The following TYR variants were observed in gnomAD, a reference collection of about 807,000 sequenced individuals.
The protein encoded by TYR is LB24-AB.
TYR carries 58 observed loss-of-function variants against 51.5 expected under a neutral mutation model. The ratio of observed to expected loss-of-function variants is 1.13; its 90% CI spans 0.91 to 1.40. The LOEUF is 1.40. Among genes scored for constraint, TYR ranks in the 40% most tolerant of loss-of-function variants. The probability of loss-of-function intolerance (pLI) is 0.00; values close to 1 mark genes in which losing one functional copy is unlikely to be tolerated. For synonymous variants in TYR, 263 were observed against 235.2 expected (o/e 1.12, Z -1.08); for missense variants, 732 against 647.4 (o/e 1.13, Z -1.42).
intron 3 of TYR, among the ~76,000 whole-genome samples, chr11:89,235,927 C>T (rs1306661016): frequency 6.6e-6 from 1 of 152,094 alleles, no homozygotes; most frequent in African/African-American, 2.4e-5. Flanking sequence ...ATCAGCATCA[C>T]ATTATGCCCC....
intron 3 of TYR, among the ~76,000 whole-genome samples, chr11:89,245,577 T>C (rs111776474): frequency 0.012 from 1,868 of 152,180 alleles, 35 homozygotes; most frequent in African/African-American, 0.043. Context: ...TGATAAAAAA[T>C]TTAGCATGCT....
At chr11:89,187,087 C>G (rs1319218987) in intron 1 of TYR, among the ~76,000 whole-genome samples, 1 of 152,164 alleles carries the variant, frequency 6.6e-6, no homozygotes, top group Non-Finnish European at 1.5e-5. Context: ...CCCACCTACT[C>G]AAACAAGTCT....
At chr11:89,231,513 A>C (rs1944049928) in intron 3 of TYR, among the ~76,000 whole-genome samples, 1 of 143,304 alleles carries the variant, frequency 7.0e-6, no homozygotes, top group Non-Finnish European at 1.5e-5. Flanking sequence ...CCTGGAGTTT[A>C]GTATGTGAAA....
At chr11:89,193,409 G>C (rs1460129386) in intron 2 of TYR, among the ~76,000 whole-genome samples, 1 of 151,984 alleles carries the variant, frequency 6.6e-6, no homozygotes, top group African/African-American at 2.4e-5. Context: ...GGTGAGGAGG[G>C]AACAGCAGAT....
intron 3 of TYR, among the ~76,000 whole-genome samples, chr11:89,267,632 A>G (rs538418998): frequency 6.6e-6 from 1 of 152,094 alleles, no homozygotes; most frequent in South Asian, 2.1e-4. Flanking sequence ...CTTATCAAAT[A>G]TTTATTATCA....
intron 2 of TYR, among the ~76,000 whole-genome samples, chr11:89,193,928 C>T (rs1251304885): frequency 6.6e-6 from 1 of 152,108 alleles, no homozygotes; most frequent in African/African-American, 2.4e-5. Context: ...TAGACTGTAA[C>T]TCTTTACCCC....
intron 4 of TYR, among the ~76,000 whole-genome samples, chr11:89,289,498 C>T (rs1232651337): frequency 6.6e-6 from 1 of 151,904 alleles, no homozygotes; most frequent in Non-Finnish European, 1.5e-5. Flanking sequence ...AGTCTTTTCT[C>T]CATGATGCCT....
intron 2 of TYR, among the ~76,000 whole-genome samples, chr11:89,199,747 T>C: frequency 6.6e-6 from 1 of 152,188 alleles, no homozygotes; most frequent in Non-Finnish European, 1.5e-5. Flanking sequence ...CTTCTCAACT[T>C]CTCTTATAAT....
At position 89,178,288 on chromosome 11, in the gene TYR, GCA is replaced by G. The variant is rs61753254; in HGVS notation, c.338_339del (p.Thr113ArgfsTer55). On this transcript the variant is annotated frameshift_variant, in exon 1 of 5. Coordinates refer to ENST00000263321, the MANE Select transcript of TYR (RefSeq NM_000372.5). LOFTEE classifies it high-confidence loss of function. ...AAGTTTGGCTTTTGGGGACCAAACT[GCA>G]CAGAGAGACGACTCTTGGTGAGAAG... 16 of 1,614,196 alleles carry G rather than the reference GCA, an allele frequency of 9.9e-6. No homozygotes were observed. The highest frequency in any genetic ancestry group is 1.3e-5 in the Non-Finnish European group (15 of 1,180,050).
At position 89,295,612 on chromosome 11, in the gene TYR, G is replaced by A; in HGVS notation, c.*246G>A. ...ATGTCTAAGGAAAGGATGCTATTTG[G>A]TAATGAGGAACTGTTATTTGTATGT... On this transcript the variant is annotated 3_prime_UTR_variant, in exon 5 of 5. Transcript: ENST00000263321. 2 of 498,362 alleles carry A rather than the reference G, an allele frequency of 4.0e-6. No individual in the cohort carries two copies. The highest frequency in any genetic ancestry group is 3.8e-5 in the East Asian group (1 of 26,388). The allele number at this position is 498,362 out of a possible 1,614,324, so 30.9% of individuals were successfully genotyped here.
At chr11:89,244,992 A>C (rs908888844) in intron 3 of TYR, among the ~76,000 whole-genome samples, 6 of 152,350 alleles carry the variant, frequency 3.9e-5, no homozygotes, top group Admixed American at 1.3e-4. Context: ...CGGGGACCAC[A>C]GGAGTAGTCC....
At chr11:89,181,615 A>G (rs796400246) in intron 1 of TYR, among the ~76,000 whole-genome samples, 11 of 152,256 alleles carry the variant, frequency 7.2e-5, no homozygotes, top group African/African-American at 2.2e-4. Flanking sequence ...TTGGTTTCAG[A>G]TATCATTTTA....
rs369975407 is a variant in TYR at position 89,191,374 on chromosome 11, C to G, written c.992C>G (p.Ser331Cys). The G allele has an allele frequency of 1.2e-6, 2 of 1,613,552 alleles. No individual in the cohort carries two copies. The highest frequency in any genetic ancestry group is 1.1e-5 in the South Asian group (1 of 91,086). Residue 331 changes from serine (S) to cysteine (C), a missense_variant, in exon 2 of 5, where the codon TCC becomes TGC. Physicochemically the swap from Ser to Cys is moderately radical, Grantham distance 112. Transcript: ENST00000263321. ...CLSLTQYESG[S>C]MDKAANFSFR... ...AGTTTGACCCAATATGAATCTGGTT[C>G]CATGGATAAAGCTGCCAATTTCAGC...
intron 3 of TYR, among the ~76,000 whole-genome samples, chr11:89,277,305 A>C (rs1383787833): frequency 6.6e-6 from 1 of 151,852 alleles, no homozygotes; most frequent in Non-Finnish European, 1.5e-5. Context: ...CTGCAATTCA[A>C]TAAATTTTGA....
chr11:89,261,088 G>A (rs1944451289), intron 3 of TYR, among the ~76,000 whole-genome samples: 1 of 152,064 alleles, frequency 6.6e-6, no homozygotes, highest in Non-Finnish European at 1.5e-5. Context: ...CCAGCCCCTG[G>A]CACCAAAAAG....
intron 3 of TYR, among the ~76,000 whole-genome samples, chr11:89,268,067 C>T (rs1217892368): frequency 6.6e-6 from 1 of 151,980 alleles, no homozygotes; most frequent in Non-Finnish European, 1.5e-5. Flanking sequence ...GTTGATTCTG[C>T]CACTTCACAC....
At chr11:89,270,493 T>G (rs1428401755) in intron 3 of TYR, among the ~76,000 whole-genome samples, 2 of 151,880 alleles carry the variant, frequency 1.3e-5, no homozygotes, top group South Asian at 2.1e-4. Flanking sequence ...CTCATTTGGC[T>G]TTCTACTTCC....
chr11:89,194,359 G>T (rs1048351260), intron 2 of TYR, among the ~76,000 whole-genome samples: 1 of 152,128 alleles, frequency 6.6e-6, no homozygotes, highest in Non-Finnish European at 1.5e-5. Context: ...TTCTGAGATG[G>T]TGTCACATCT....
In TYR at chr11:89,237,746, G is replaced by C. The variant is rs1012185801; in HGVS notation, c.1184+9776G>C. Among the ~76,000 whole-genome samples, 8 of 152,150 alleles carry C rather than the reference G, an allele frequency of 5.3e-5. No individual in the cohort carries two copies. The South Asian group carries it at 8.3e-4, about 16-fold the overall frequency. ...AAAACATCATTAGAATTTTGGTAGG[G>C]ATTGCATTGAAACTGCAGATTGCTT... On this transcript the variant is annotated intron_variant, in intron 3 of 4. Transcript: ENST00000263321.
Sources: allele counts gnomAD v4.1 joint callset (sites outside exome capture counted in the v4.1 genomes callset), GRCh38; gene constraint gnomAD v4.1.1; transcripts MANE v1.5; gene names NCBI Gene and HGNC (gene_info 2026-07-23, HGNC 2026-07-21).